The following POFUT3 variants were observed in gnomAD, a reference collection of about 807,000 sequenced individuals.
The protein encoded by POFUT3 is protein O-fucosyltransferase 3.
chr8:33,315,485 C>T, the POFUT3 span, among the ~76,000 whole-genome samples: 5 of 152,172 alleles, frequency 3.3e-5, no homozygotes, highest in African/African-American at 1.2e-4. Context: ...TTCCCTCAAT[C>T]CCAGGAAAAA....
the POFUT3 span, among the ~76,000 whole-genome samples, chr8:33,325,278 T>C: frequency 6.6e-6 from 1 of 152,212 alleles, no homozygotes; most frequent in African/African-American, 2.4e-5. Flanking sequence ...CCTAAATTTC[T>C]CACACTCAAT....
the POFUT3 span, among the ~76,000 whole-genome samples, chr8:33,454,960 C>T: frequency 6.6e-6 from 1 of 152,092 alleles, no homozygotes. Flanking sequence ...GCCACCACGC[C>T]CAGCCAGTTT....
chr8:33,311,485 G>A, the POFUT3 span, among the ~76,000 whole-genome samples: 4 of 152,118 alleles, frequency 2.6e-5, no homozygotes, highest in African/African-American at 9.7e-5. Context: ...CTCATCCAAG[G>A]GGATATGACC....
chr8:33,320,646 G>A, the POFUT3 span, among the ~76,000 whole-genome samples: 8 of 152,064 alleles, frequency 5.3e-5, no homozygotes, highest in African/African-American at 1.9e-4. Flanking sequence ...AAGCTTAACT[G>A]GGCTGAACGA....
At chr8:33,412,414 C>T in the POFUT3 span, among the ~76,000 whole-genome samples, 7 of 152,298 alleles carry the variant, frequency 4.6e-5, no homozygotes, top group South Asian at 1.4e-3. Context: ...ACCAAGGAGG[C>T]AAGATCTAAA....
chr8:33,469,588 C>A, the POFUT3 span, among the ~76,000 whole-genome samples: 1 of 152,036 alleles, frequency 6.6e-6, no homozygotes, highest in South Asian at 2.1e-4. Flanking sequence ...ACTTCTATTG[C>A]AGAAATGAAG....
the POFUT3 span, chr8:33,452,157 G>A: frequency 2.0e-5 from 3 of 151,968 alleles, no homozygotes; most frequent in Non-Finnish European, 4.4e-5. Context: ...GTATGTATAC[G>A]TGTGTACAAC....
chr8:33,348,779 G>A, the POFUT3 span, among the ~76,000 whole-genome samples: 3 of 152,148 alleles, frequency 2.0e-5, no homozygotes, highest in Admixed American at 2.0e-4. Flanking sequence ...GAGTGTTTAG[G>A]GAACAGGCAA....
At chr8:33,471,271 A>G in the POFUT3 span, among the ~76,000 whole-genome samples, 1 of 151,852 alleles carries the variant, frequency 6.6e-6, no homozygotes, top group South Asian at 2.1e-4. Context: ...TTGTTTTGAG[A>G]CAGTCTCGCT....
At chr8:33,464,690 G>A in the POFUT3 span, among the ~76,000 whole-genome samples, 16 of 152,132 alleles carry the variant, frequency 1.1e-4, no homozygotes, top group Non-Finnish European at 1.9e-4. Context: ...TGAGGCAGGA[G>A]GATTGCTTCA....
At chr8:33,365,720 C>T in the POFUT3 span, among the ~76,000 whole-genome samples, 1 of 152,138 alleles carries the variant, frequency 6.6e-6, no homozygotes, top group Non-Finnish European at 1.5e-5. Context: ...CATCTCATGC[C>T]AGTTAGAATG....
At chr8:33,460,743 C>G in the POFUT3 span, 7 of 985,306 alleles carry the variant, frequency 7.1e-6, no homozygotes, top group Non-Finnish European at 8.4e-6. Flanking sequence ...TTCTGCCTGA[C>G]ACGTCCATTC....
the POFUT3 span, among the ~76,000 whole-genome samples, chr8:33,325,196 C>T: frequency 2.6e-5 from 4 of 152,210 alleles, 1 homozygote; most frequent in South Asian, 6.2e-4. Context: ...AGCCAACTAC[C>T]ACACTTTTCA....
At chr8:33,338,433 A>G in the POFUT3 span, among the ~76,000 whole-genome samples, 1 of 152,196 alleles carries the variant, frequency 6.6e-6, no homozygotes, top group African/African-American at 2.4e-5. Context: ...AGCCAGACAA[A>G]GACATTATAG....
chr8:33,385,701 G>A, the POFUT3 span, among the ~76,000 whole-genome samples: 1 of 151,984 alleles, frequency 6.6e-6, no homozygotes. Context: ...GGCCAACATG[G>A]TGAAACCCCA....
At chr8:33,320,459 C>T in the POFUT3 span, among the ~76,000 whole-genome samples, 1 of 151,854 alleles carries the variant, frequency 6.6e-6, no homozygotes, top group East Asian at 1.9e-4. Flanking sequence ...TGGATTCTTC[C>T]AAATCAAACA....
the POFUT3 span, among the ~76,000 whole-genome samples, chr8:33,413,680 C>T: frequency 2.4e-3 from 368 of 152,300 alleles, 2 homozygotes; most frequent in Middle Eastern, 6.8e-3. Context: ...ATTGCACCAA[C>T]TAAGTGGGAA....
At chr8:33,438,334 G>A in the POFUT3 span, among the ~76,000 whole-genome samples, 6 of 152,176 alleles carry the variant, frequency 3.9e-5, no homozygotes. Context: ...TCCCAGTACT[G>A]TGGGAGGCCA....
At chr8:33,309,195 TATATAC>T in the POFUT3 span, among the ~76,000 whole-genome samples, 39 of 108,720 alleles carry the variant, frequency 3.6e-4, 1 homozygote, top group Middle Eastern at 4.7e-3. Flanking sequence ...TATATATATA[TATATAC>T]ACACACATAT....
Sources: gnomAD v4.1 joint callset for allele counts (sites outside exome capture counted in the v4.1 genomes callset) on GRCh38, gnomAD v4.1.1 for gene constraint, MANE v1.5 for transcripts, NCBI Gene and HGNC (gene_info 2026-07-23, HGNC 2026-07-21) for gene names.